Variants in PDE3B observed in about 807,000 individuals in gnomAD.
PDE3B encodes the protein cGMP-inhibited 3',5'-cyclic phosphodiesterase 3B.
PDE3B carries 66 observed loss-of-function variants against 116.8 expected under a neutral mutation model. The ratio of observed to expected loss-of-function variants is 0.56; its 90% CI spans 0.46 to 0.69. The LOEUF is 0.69. PDE3B is among the 30% of genes least tolerant of loss of function. PDE3B has a pLI of 0.00. For missense variants in PDE3B, 1,384 were observed against 1,368.1 expected (o/e 1.01, Z -0.18); for synonymous variants, 595 against 533.6 (o/e 1.12, Z -1.59).
the PDE3B span, chr11:14,891,784 T>TC: frequency 7.2e-7 from 1 of 1,392,836 alleles, no homozygotes; most frequent in South Asian, 1.7e-5. Context: ...GGGGCGGGGC[T>TC]CCCCCTGCAA....
In PDE3B at chr11:14,835,081, C is replaced by T. The variant is rs977250473; in HGVS notation, c.2306C>T (p.Thr769Ile). Residue 769 changes from threonine to isoleucine, a missense_variant, in exon 11 of 16, where the codon ACA (threonine) becomes ATA (isoleucine). Transcript: ENST00000282096. The stretch of plus-strand genomic sequence containing the variant: ...CAGCAGATCCACAATGGTTGTGGAA[C>T]AGGAAATGAAACAGGTACTTCCTTC... ...GLQQIHNGCG[T>I]GNETDSDGRI... 1.2e-6 allele frequency: 2 copies of T among 1,604,840 alleles called. No homozygotes were observed. Among genetic ancestry groups the T allele is most frequent in the South Asian group, 1.1e-5 (1 of 89,948 alleles).
chr11:14,774,514 T>C (rs185712959), intron 2 of PDE3B: 65 of 152,354 alleles, frequency 4.3e-4, no homozygotes, highest in African/African-American at 1.6e-3. Flanking sequence ...TGGAAACATA[T>C]GACCATTGCT....
chr11:14,819,149 A>G lies in PDE3B; in HGVS notation c.1747A>G (p.Met583Val). Residue 583 changes from methionine (M) to valine (V), a missense_variant, in exon 7 of 16, where the codon ATG becomes GTG. Met to Val is a conservative substitution (Grantham distance 21). This residue lies in a region of PDE3B where 956 missense variants were observed against 806.8 expected (regional missense o/e 1.18). Coordinates refer to ENST00000282096, the MANE Select transcript of PDE3B (RefSeq NM_000922.4). ...SNLCNSCGHQMLKYVSTSESD... is the reference protein window; with the variant it reads ...SNLCNSCGHQVLKYVSTSESD... The stretch of plus-strand genomic sequence containing the variant: ...TTATTCTATAAGCTGTGGACATCAA[A>G]TGCTGAAATATGTTTCAACATCTGA... 1 of 1,592,344 alleles carries G rather than the reference A, an allele frequency of 6.3e-7. No homozygotes were observed. The highest frequency in any genetic ancestry group is 1.3e-5 in the African/African-American group (1 of 74,720).
chr11:14,847,997 C>A (rs1395693441), intron 12 of PDE3B, among the ~76,000 whole-genome samples: 1 of 152,110 alleles, frequency 6.6e-6, no homozygotes, highest in East Asian at 1.9e-4. Context: ...ATGAGGCCAG[C>A]ATCATCCTGA....
At chr11:14,891,670 C>G in the PDE3B span, 3 of 1,174,420 alleles carry the variant, frequency 2.6e-6, no homozygotes, top group Non-Finnish European at 3.2e-6. Context: ...GGCGGCGCGG[C>G]TGGCGAGCCA....
intron 1 of PDE3B, among the ~76,000 whole-genome samples, chr11:14,683,810 T>C (rs929685457): frequency 1.3e-5 from 2 of 152,064 alleles, no homozygotes; most frequent in African/African-American, 4.8e-5. Context: ...ATTAGCTTCT[T>C]TGAGTTTCCC....
chr11:14,695,630 C>T (rs920186757), intron 1 of PDE3B, among the ~76,000 whole-genome samples: 5 of 151,894 alleles, frequency 3.3e-5, no homozygotes, highest in African/African-American at 1.2e-4. Context: ...AGGTATTAAG[C>T]CCAGCATGTT....
chr11:14,820,335 T>C (rs976679784), intron 7 of PDE3B, among the ~76,000 whole-genome samples: 2 of 151,942 alleles, frequency 1.3e-5, no homozygotes, highest in African/African-American at 2.4e-5. Context: ...AAAACATTAT[T>C]CTAAGTGAAA....
chr11:14,757,120 A>C (rs1427642677), intron 1 of PDE3B, among the ~76,000 whole-genome samples: 1 of 151,922 alleles, frequency 6.6e-6, no homozygotes, highest in Non-Finnish European at 1.5e-5. Context: ...TGTCCCTACA[A>C]AGGACACGAA....
chr11:14,742,494 T>G (rs1856800814), intron 1 of PDE3B, among the ~76,000 whole-genome samples: 1 of 152,208 alleles, frequency 6.6e-6, no homozygotes, highest in Non-Finnish European at 1.5e-5. Context: ...CTAACCTTTT[T>G]TCTAGGTTCT....
chr11:14,872,447 T>G (rs1324131312), downstream of PDE3B, among the ~76,000 whole-genome samples: 2 of 152,092 alleles, frequency 1.3e-5, no homozygotes, highest in African/African-American at 2.4e-5. Context: ...ATCCCCACAC[T>G]GGATAAGCCA....
intron 1 of PDE3B, among the ~76,000 whole-genome samples, chr11:14,651,303 C>G (rs1853569368): frequency 6.6e-6 from 1 of 152,134 alleles, no homozygotes; most frequent in Admixed American, 6.5e-5. Flanking sequence ...ATTTTCTAAT[C>G]TTCTAAGGAT....
chr11:14,783,041 A>G (rs1430059409), intron 2 of PDE3B, among the ~76,000 whole-genome samples: 12 of 152,246 alleles, frequency 7.9e-5, no homozygotes, highest in African/African-American at 9.6e-5. Context: ...GAGAAATGCA[A>G]ATCAAAACCA....
intron 1 of PDE3B, among the ~76,000 whole-genome samples, chr11:14,713,694 T>C (rs10766190): frequency 1 from 152,043 of 152,056 alleles, 76,015 homozygotes; most frequent in Middle Eastern, 1. Context: ...TAAAAAATCT[T>C]TACACACACA....
At chr11:14,735,988 G>C (rs555201510) in intron 1 of PDE3B, among the ~76,000 whole-genome samples, 1 of 151,740 alleles carries the variant, frequency 6.6e-6, no homozygotes, top group South Asian at 2.1e-4. Flanking sequence ...GTGTGTGTGT[G>C]TGTGTGTGAC....
At chr11:14,740,722 T>G (rs532834542) in intron 1 of PDE3B, among the ~76,000 whole-genome samples, 4 of 152,212 alleles carry the variant, frequency 2.6e-5, no homozygotes, top group Non-Finnish European at 5.9e-5. Context: ...CTTTTCTGCT[T>G]TCTCTTGTAG....
intron 1 of PDE3B, among the ~76,000 whole-genome samples, chr11:14,756,946 T>A (rs1590118752): frequency 2.4e-5 from 2 of 83,266 alleles, no homozygotes; most frequent in African/African-American, 4.8e-5. Flanking sequence ...ATGCTATCCC[T>A]CCCCCCTCCC....
At chr11:14,741,781 C>T (rs1056812096) in intron 1 of PDE3B, among the ~76,000 whole-genome samples, 3 of 152,022 alleles carry the variant, frequency 2.0e-5, no homozygotes, top group Non-Finnish European at 2.9e-5. Flanking sequence ...TAAGGCAGGC[C>T]TGGTGATGAC....
chr11:14,801,155 C>T (rs901044549), intron 4 of PDE3B, among the ~76,000 whole-genome samples: 3 of 152,176 alleles, frequency 2.0e-5, no homozygotes, highest in African/African-American at 7.2e-5. Flanking sequence ...CTACTTCTGT[C>T]AGTTCATCAA....
Sources: allele counts gnomAD v4.1 joint callset (sites outside exome capture counted in the v4.1 genomes callset), GRCh38; gene constraint gnomAD v4.1.1; regional missense constraint gnomAD v4.1.1; transcripts MANE v1.5; gene names NCBI Gene and HGNC (gene_info 2026-07-23, HGNC 2026-07-21).